ADAM33: variants seen among roughly 807,000 people sequenced by gnomAD.
ADAM33 encodes disintegrin and metalloproteinase domain-containing protein 33.
ADAM33 carries 103 observed loss-of-function variants against 106.2 expected under a neutral mutation model. The ratio of observed to expected loss-of-function variants is 0.97; its 90% CI spans 0.83 to 1.14. The LOEUF (loss-of-function observed/expected upper bound fraction) is 1.14, where lower values mean the gene tolerates loss of function less well. ADAM33 is among the 50% of genes most tolerant of loss of function. ADAM33 has a pLI of 0.00. For synonymous variants in ADAM33, 483 were observed against 453.0 expected, an observed-to-expected ratio of 1.07 and a Z score of -0.84; for missense variants, 1,120 against 1,096.6, an observed-to-expected ratio of 1.02 and a Z score of -0.30.
In ADAM33 at chr20:3,673,672, G is replaced by A; in HGVS notation, c.906-14C>T. ...AAGGCGCGGCCCCTGGGGGCGGAGC[G>A]CGGCGTGACCAGGCGGGGCCGGGAG... is the stretch of plus-strand genomic sequence containing the variant. On this transcript the variant is annotated splice_polypyrimidine_tract_variant and intron_variant, in intron 9 of 21. Transcript: ENST00000356518. 1 of 1,347,194 alleles carries A rather than the reference G, an allele frequency of 7.4e-7. No homozygotes were observed. Among genetic ancestry groups the A allele is most frequent in the Non-Finnish European group, 9.5e-7 (1 of 1,056,512 alleles). The allele number at this position is 1,347,194 out of a possible 1,614,324, so 83.5% of individuals were successfully genotyped here.
chr20:3,672,321 C>A lies in ADAM33; in HGVS notation c.1410G>T (p.Pro470=). 6.2e-7 allele frequency: 1 copy of A among 1,611,656 alleles called. No individual in the cohort carries two copies. Residue 470 remains proline (P), a synonymous_variant, in exon 14 of 22, where the codon CCG becomes CCT. Coordinates refer to ENST00000356518, the MANE Select transcript of ADAM33 (RefSeq NM_025220.5). ...GDCCVRCLLK[P]AGALCRQAMG... is the part of the protein sequence containing the mutation. Reference sequence around the variant, plus strand: ...TGGCCTGGCGGCACAGCGCTCCAGCCGGCTTCAGCTGCGCAGGTGACGGGT... The same window carrying A: ...TGGCCTGGCGGCACAGCGCTCCAGCAGGCTTCAGCTGCGCAGGTGACGGGT...
In ADAM33 at chr20:3,672,477, G is replaced by A. The variant is rs41395251; in HGVS notation, c.1401+60C>T. 1,086 of 1,593,594 alleles carry A rather than the reference G, an allele frequency of 6.8e-4. 8 individuals are homozygous for A. The East Asian group carries it at 0.014, about 20-fold the overall frequency. On this transcript the variant is annotated intron_variant, in intron 13 of 21. Transcript: ENST00000356518. ...AACCTGAGGGCACCAATTAACTAAG[G>A]CCAACAGGCCGGCTCCCAAGCTCCC...
chr20:3,673,551 T>TCGCCCC (rs1361966962), intron 10 of ADAM33, 23 bp downstream of exon 10: 1 of 1,408,010 alleles, frequency 7.1e-7, no homozygotes, highest in Non-Finnish European at 9.2e-7. Flanking sequence ...TGTCTCTCCC[T>TCGCCCC]CGCCCCCGCC....
chr20:3,672,971 C>A, intron 11 of ADAM33, 73 bp from the exon 12 acceptor site: 1 of 1,451,134 alleles, frequency 6.9e-7, no homozygotes, highest in East Asian at 2.5e-5. Context: ...ATCCCCACCC[C>A]TGGGCTTGGC....
Position 3,674,818 on chromosome 20 carries a change from C to A in ADAM33, c.365G>T (p.Gly122Val), listed in dbSNP as rs769968522. The change falls in exon 5 of 22, where the codon GGC (glycine) becomes GTC (valine). Residue 122 changes from glycine (G) to valine (V), a missense_variant. Gly to Val is a moderately radical substitution (Grantham distance 109). Transcript: ENST00000356518. Reference protein sequence around the residue: ...DHCHYQGRVRGFPDSWVVLCT... With the variant: ...DHCHYQGRVRVFPDSWVVLCT... Reference sequence around the variant, plus strand: ...GAGGACTACCCAGGAGTCGGGGAAGCCCCTTACTCGCCCTTGGTAGTGGCA... The same window carrying A: ...GAGGACTACCCAGGAGTCGGGGAAGACCCTTACTCGCCCTTGGTAGTGGCA... The A allele has an allele frequency of 6.2e-7, 1 of 1,611,342 alleles. No homozygotes were observed. Among genetic ancestry groups the A allele is most frequent in the Non-Finnish European group, 8.5e-7 (1 of 1,178,482 alleles).
chr20:3,673,071 T>C (rs1232890923), intron 11 of ADAM33, 173 bp from the exon 12 acceptor site: 15 of 1,444,674 alleles, frequency 1.0e-5, no homozygotes, highest in Middle Eastern at 2.4e-4. Flanking sequence ...GCGGCCCCAA[T>C]AGTGAGCAGC....
chr20:3,671,385 A>G (rs1457296283), intron 17 of ADAM33, 34 bp downstream of exon 17: 2 of 1,610,680 alleles, frequency 1.2e-6, no homozygotes, highest in Admixed American at 3.3e-5. Context: ...AGGATTAGGA[A>G]CCCCAAGGTC....
rs773639560 is a variant in ADAM33 at position 3,669,657 on chromosome 20, T to G, written c.2241-20A>C. On this transcript the variant is annotated intron_variant, in intron 19 of 21. Coordinates refer to ENST00000356518, the MANE Select transcript of ADAM33 (RefSeq NM_025220.5). ...TTGGGGCTGAGCAACGTGATAAGAG[T>G]CCAGGAGGTTGGCACAGTGATCCTG... The G allele has an allele frequency of 3.8e-6, 6 of 1,588,984 alleles. No homozygotes were observed. In the South Asian group the frequency reaches 4.6e-5, roughly 12 times the overall value.
rs1014352190 is a variant in ADAM33 at position 3,674,584 on chromosome 20, T to C, written c.520A>G (p.Thr174Ala). ...HEIFRMEQLLTWKGTCGHRDP... is the reference protein window; with the variant it reads ...HEIFRMEQLLAWKGTCGHRDP... ...CTGTGGCCACAGGTTCCTTTCCAGGTGAGCAGCTGCTCCATCCGAAAGATC... is the reference window on the plus strand; with the variant it reads ...CTGTGGCCACAGGTTCCTTTCCAGGCGAGCAGCTGCTCCATCCGAAAGATC... The change falls in exon 6 of 22, where the codon ACC (threonine) becomes GCC (alanine). Residue 174 changes from threonine to alanine, a missense_variant. Thr to Ala is a moderately conservative substitution (Grantham distance 58). Transcript: ENST00000356518. The C allele has an allele frequency of 1.9e-6, 3 of 1,613,178 alleles. No individual in the cohort carries two copies. The highest frequency in any genetic ancestry group is 2.5e-6 in the Non-Finnish European group (3 of 1,179,822).
chr20:3,679,136 C>CTTTTT (rs778392877), intron 2 of ADAM33, among the ~76,000 whole-genome samples: 1,515 of 78,200 alleles, frequency 0.019, 115 homozygotes, highest in African/African-American at 0.067. Flanking sequence ...CTTTTTGGTG[C>CTTTTT]TTTTTTTTTT....
chr20:3,673,686 C>A (rs1181216467), intron 9 of ADAM33, 28 bp from the exon 10 acceptor site: 1 of 1,352,334 alleles, frequency 7.4e-7, no homozygotes, highest in African/African-American at 1.5e-5. Flanking sequence ...CGTGACCAGG[C>A]GGGGCCGGGA....
At chr20:3,674,040 C>A (rs751336896) in intron 8 of ADAM33, 24 bp downstream of exon 8, 2 of 1,613,684 alleles carry the variant, frequency 1.2e-6, no homozygotes, top group African/African-American at 1.3e-5. Context: ...CCCCCATCAC[C>A]GCTCTCTCCC....
chr20:3,673,279 C>G (rs2087680002), intron 11 of ADAM33, 75 bp downstream of exon 11: 1 of 1,534,238 alleles, frequency 6.5e-7, no homozygotes, highest in Non-Finnish European at 8.7e-7. Flanking sequence ...AACTGAGGGA[C>G]GACCAAAGAA....
At chr20:3,672,454 C>T in intron 13 of ADAM33, 83 bp downstream of exon 13, 2 of 1,582,944 alleles carry the variant, frequency 1.3e-6, no homozygotes, top group East Asian at 2.3e-5. Flanking sequence ...AACGGGGGAA[C>T]CTGAGGGCAC....
intron 1 of ADAM33, among the ~76,000 whole-genome samples, chr20:3,681,051 A>G (rs1476843267): frequency 1.3e-5 from 2 of 152,102 alleles, no homozygotes; most frequent in East Asian, 3.9e-4. Flanking sequence ...GGGCCAGAAC[A>G]GACCAGGCCC....
Position 3,677,060 on chromosome 20 carries a change from C to A in ADAM33, c.254+7G>T. ...TCCTCCCAGCCCTACCCCAGCCTGG[C>A]ACTCACTGGTTCTTCTCCAGCTCAA... On this transcript the variant is annotated splice_region_variant and intron_variant, in intron 3 of 21. Transcript: ENST00000356518. The A allele has an allele frequency of 6.2e-7, 1 of 1,612,624 alleles. No individual in the cohort carries two copies. The highest frequency in any genetic ancestry group is 8.5e-7 in the Non-Finnish European group (1 of 1,179,714).
rs769182478 is a variant in ADAM33 at position 3,672,834 on chromosome 20, C to A, written c.1198G>T (p.Gly400Trp). Residue 400 changes from glycine to tryptophan, a missense_variant, in exon 12 of 22, where the codon GGG becomes TGG. Gly to Trp is a radical substitution (Grantham distance 184). Transcript: ENST00000356518. ...GCATTGGAGAGGCAAGCGCCGCCCC[C>A]CTTGCGGAAGAAGGCGCGCAGCTGG... ...RRQLRAFFRKGGGACLSNAPD... is the reference protein window; with the variant it reads ...RRQLRAFFRKWGGACLSNAPD... 42 of 1,576,666 alleles carry A rather than the reference C, an allele frequency of 2.7e-5. No individual in the cohort carries two copies. In the East Asian group the frequency reaches 4.5e-4, roughly 17 times the overall value.
chr20:3,672,127 C>T lies in ADAM33; in HGVS notation c.1597+7G>A, dbSNP rs200809635. 55 of 1,607,568 alleles carry T rather than the reference C, an allele frequency of 3.4e-5. No homozygotes were observed. In the Admixed American group the frequency reaches 9.0e-4, roughly 26 times the overall value. Reference sequence around the variant, plus strand: ...GGCAGGGTGCAAGGGTGCTCGTGTCCTCTCACCAGGCCCCCAGAGCTGCTG... The same window carrying T: ...GGCAGGGTGCAAGGGTGCTCGTGTCTTCTCACCAGGCCCCCAGAGCTGCTG... On this transcript the variant is annotated splice_region_variant and intron_variant, in intron 14 of 21. Coordinates refer to ENST00000356518, the MANE Select transcript of ADAM33 (RefSeq NM_025220.5).
intron 2 of ADAM33, among the ~76,000 whole-genome samples, chr20:3,677,563 C>A (rs2088084374): frequency 6.6e-6 from 1 of 152,194 alleles, no homozygotes; most frequent in African/African-American, 2.4e-5. Flanking sequence ...AGAGCCTCTG[C>A]TACCTGAGGC....
Sources: gnomAD v4.1 joint callset for allele counts (sites outside exome capture counted in the v4.1 genomes callset) on GRCh38, gnomAD v4.1.1 for gene constraint, MANE v1.5 for transcripts, NCBI Gene and HGNC (gene_info 2026-07-23, HGNC 2026-07-21) for gene names.